GALNT16: variants seen among roughly 807,000 people sequenced by gnomAD.
GALNT16 encodes the protein polypeptide N-acetylgalactosaminyltransferase 16.
A neutral mutation model predicts 76.1 loss-of-function variants in GALNT16; 40 were observed. The ratio of observed to expected loss-of-function variants is 0.53; its 90% CI spans 0.41 to 0.68. The LOEUF (loss-of-function observed/expected upper bound fraction) is 0.68. Ranked by LOEUF, GALNT16 falls within the 30% of genes least tolerant of loss-of-function variation. GALNT16 has a pLI of 0.00. For missense variants in GALNT16, 621 were observed against 731.9 expected, an observed-to-expected ratio of 0.85 and a Z score of 1.75; for synonymous variants, 276 against 285.2, an observed-to-expected ratio of 0.97 and a Z score of 0.32.
chr14:69,341,008 A>C (rs754036882), intron 11 of GALNT16, among the ~76,000 whole-genome samples: 1 of 152,112 alleles, frequency 6.6e-6, no homozygotes, highest in Non-Finnish European at 1.5e-5. Context: ...TTTTTGAAAA[A>C]ATAAGTTATG....
At chr14:69,266,679 C>A (rs111264493) in intron 1 of GALNT16, among the ~76,000 whole-genome samples, 3 of 152,262 alleles carry the variant, frequency 2.0e-5, no homozygotes, top group African/African-American at 7.2e-5. Flanking sequence ...CCACACTCCC[C>A]GTTGGCCCAT....
chr14:69,269,222 C>G (rs951419371), intron 1 of GALNT16, among the ~76,000 whole-genome samples: 3 of 152,064 alleles, frequency 2.0e-5, no homozygotes, highest in Non-Finnish European at 4.4e-5. Context: ...GGAAAATGTT[C>G]TGTGTCTTGG....
intron 2 of GALNT16, 125 bp from the exon 3 acceptor site, chr14:69,324,567 G>A (rs1315380708): frequency 5.6e-6 from 3 of 537,012 alleles, no homozygotes; most frequent in South Asian, 5.5e-5. Context: ...CCTCTGGCCT[G>A]GCTGTTGGTG....
intron 1 of GALNT16, among the ~76,000 whole-genome samples, chr14:69,267,464 G>T (rs181991801): frequency 2.6e-4 from 40 of 152,310 alleles, no homozygotes; most frequent in African/African-American, 9.4e-4. Flanking sequence ...TTCACGTTTC[G>T]CTGAAGAGCA....
the GALNT16 span, among the ~76,000 whole-genome samples, chr14:69,377,706 G>A: frequency 2.1e-5 from 3 of 145,960 alleles, no homozygotes; most frequent in African/African-American, 2.5e-5. Flanking sequence ...AGCTACACAG[G>A]AGGCTAAGGT....
chr14:69,363,874 G>A, the GALNT16 span, among the ~76,000 whole-genome samples: 1 of 152,180 alleles, frequency 6.6e-6, no homozygotes, highest in African/African-American at 2.4e-5. Context: ...ACAAATGGAT[G>A]CAATCCAAGG....
chr14:69,377,396 T>C, the GALNT16 span, among the ~76,000 whole-genome samples: 10 of 152,314 alleles, frequency 6.6e-5, no homozygotes, highest in East Asian at 1.2e-3. Context: ...TTATTTCCTA[T>C]CTCAAAGGGT....
intron 5 of GALNT16, among the ~76,000 whole-genome samples, chr14:69,326,846 C>T (rs887875060): frequency 6.6e-6 from 1 of 152,150 alleles, no homozygotes; most frequent in Non-Finnish European, 1.5e-5. Context: ...AGCGATTTGC[C>T]CAGGGTGATG....
chr14:69,324,378 C>T (rs2045248418), intron 2 of GALNT16, among the ~76,000 whole-genome samples: 1 of 152,080 alleles, frequency 6.6e-6, no homozygotes, highest in South Asian at 2.1e-4. Context: ...TATCCTGGGG[C>T]CTGGTGCAGT....
intron 3 of GALNT16, 58 bp downstream of exon 3, chr14:69,324,848 T>C: frequency 8.5e-7 from 1 of 1,170,622 alleles, no homozygotes; most frequent in Non-Finnish European, 1.2e-6. Context: ...GACATTGGGA[T>C]TGGGCGCTGT....
At chr14:69,377,179 G>C in the GALNT16 span, among the ~76,000 whole-genome samples, 2 of 152,126 alleles carry the variant, frequency 1.3e-5, no homozygotes, top group African/African-American at 4.8e-5. Context: ...CCAAATATTT[G>C]ATTGAGTCTA....
chr14:69,331,247 G>GCC (rs1407740803), intron 6 of GALNT16, among the ~76,000 whole-genome samples: 1 of 152,186 alleles, frequency 6.6e-6, no homozygotes, highest in Non-Finnish European at 1.5e-5. Flanking sequence ...GGCTTGGAGA[G>GCC]TACATGGGAG....
chr14:69,269,853 G>A (rs1033273831), intron 1 of GALNT16, among the ~76,000 whole-genome samples: 15 of 151,810 alleles, frequency 9.9e-5, no homozygotes, highest in African/African-American at 3.6e-4. Flanking sequence ...GGTGTAGTGT[G>A]TGATGTGAGG....
chr14:69,378,677 C>G, the GALNT16 span, among the ~76,000 whole-genome samples: 1 of 152,196 alleles, frequency 6.6e-6, no homozygotes, highest in Non-Finnish European at 1.5e-5. Flanking sequence ...CATCTAGAAC[C>G]CAGATACTTT....
chr14:69,272,595 G>A (rs989137829), intron 1 of GALNT16, among the ~76,000 whole-genome samples: 2 of 152,048 alleles, frequency 1.3e-5, no homozygotes, highest in African/African-American at 4.8e-5. Context: ...TAGACTACAT[G>A]TACAGTGTTT....
Position 69,261,372 on chromosome 14 carries a change from C to A in GALNT16, c.177+905C>A, listed in dbSNP as rs1232527890. Among the ~76,000 whole-genome samples the A allele has an allele frequency of 2.6e-5, 4 of 151,912 alleles. No individual in the cohort carries two copies. Among genetic ancestry groups the A allele is most frequent in the Non-Finnish European group, 5.9e-5 (4 of 67,896 alleles). ...GGCCAGGCAGGGGCACCTGTTGAGGCGGGAGGCTTTGGCACCCGCCGAGAG... is the reference window on the plus strand; with the variant it reads ...GGCCAGGCAGGGGCACCTGTTGAGGAGGGAGGCTTTGGCACCCGCCGAGAG... On this transcript the variant is annotated intron_variant, in intron 1 of 14. Transcript: ENST00000448469. This position sits in a 1 kb window ranked among gnomAD's most constrained non-coding sequence, Gnocchi z 6.4.
At chr14:69,296,732 A>AGATC (rs553412908) in intron 1 of GALNT16, among the ~76,000 whole-genome samples, 2,596 of 75,146 alleles carry the variant, frequency 0.035, 47 homozygotes, top group East Asian at 0.15. Flanking sequence ...GATAGATGAT[A>AGATC]GATAGATAGA....
chr14:69,264,545 CTT>C (rs928317181), intron 1 of GALNT16, among the ~76,000 whole-genome samples: 2 of 152,108 alleles, frequency 1.3e-5, no homozygotes, highest in African/African-American at 4.8e-5. Context: ...CAAATGATGG[CTT>C]TTCTGGTAGT....
rs763094427 is a variant in GALNT16 at position 69,333,582 on chromosome 14, TG to T, written c.956del (p.Gly319GlufsTer83). 27 of 1,572,990 alleles carry T rather than the reference TG, an allele frequency of 1.7e-5. No homozygotes were observed. Among genetic ancestry groups the T allele is most frequent in the Non-Finnish European group, 2.2e-5 (25 of 1,147,570 alleles). On this transcript the variant is annotated frameshift_variant, in exon 9 of 15. Coordinates refer to ENST00000448469, the MANE Select transcript of GALNT16 (RefSeq NM_001168368.2). LOFTEE classifies it high-confidence loss of function. The surrounding 1 kb of genome is among the most constrained non-coding windows in gnomAD (Gnocchi z 4.2). ...AAAGTATGATGCCCAGATGGACATC[TG>T]GGGGGGAGAGAATTTTGGTGAGTTG... ...LGKYDAQMDI[W>X]GGENFELSFR...
Sources: allele counts gnomAD v4.1 joint callset (sites outside exome capture counted in the v4.1 genomes callset), GRCh38; gene constraint gnomAD v4.1.1; non-coding constraint Gnocchi (gnomAD v3.1); transcripts MANE v1.5; gene names NCBI Gene and HGNC (gene_info 2026-07-23, HGNC 2026-07-21).